The following GRID2 variants were observed in gnomAD, a reference collection of about 807,000 sequenced individuals.
The protein encoded by GRID2 is glutamate ionotropic receptor delta type subunit 2.
A neutral mutation model predicts 114.8 loss-of-function variants in GRID2; 33 were observed. The ratio of observed to expected loss-of-function variants is 0.29; its 90% CI spans 0.22 to 0.38. GRID2 has a LOEUF of 0.38. Ranked by LOEUF, GRID2 falls within the 10% of genes least tolerant of loss-of-function variation. The probability of loss-of-function intolerance (pLI) is 1.00; values close to 1 mark genes in which losing one functional copy is unlikely to be tolerated. For missense variants in GRID2, 1,184 were observed against 1,257.7 expected (o/e 0.94, Z 0.89); for synonymous variants, 505 against 449.9 (o/e 1.12, Z -1.55).
intron 13 of GRID2, among the ~76,000 whole-genome samples, chr4:93,542,914 C>T (rs1380384917): frequency 6.6e-6 from 1 of 152,044 alleles, no homozygotes; most frequent in Non-Finnish European, 1.5e-5. Context: ...GCCATGCTTG[C>T]GTAGATCCTG....
intron 14 of GRID2, among the ~76,000 whole-genome samples, chr4:93,661,203 C>A (rs1346030153): frequency 1.3e-5 from 2 of 152,160 alleles, no homozygotes; most frequent in Non-Finnish European, 2.9e-5. Context: ...CAAATCAGTT[C>A]TTGCATTGTT....
intron 1 of GRID2, among the ~76,000 whole-genome samples, chr4:92,574,420 T>G: frequency 6.6e-6 from 1 of 151,250 alleles, no homozygotes. Flanking sequence ...AGTATTTTTT[T>G]TTTTTTTTTT....
chr4:92,828,574 G>A (rs1578252648), intron 2 of GRID2, among the ~76,000 whole-genome samples: 2 of 151,996 alleles, frequency 1.3e-5, no homozygotes, highest in Admixed American at 1.3e-4. Context: ...TAGCCCTGAA[G>A]AAAATAAATT....
chr4:93,549,877 G>T (rs1418849973), intron 13 of GRID2, among the ~76,000 whole-genome samples: 1 of 152,080 alleles, frequency 6.6e-6, no homozygotes, highest in Non-Finnish European at 1.5e-5. Context: ...CTGAGAACAG[G>T]TTTTTAACTA....
intron 2 of GRID2, among the ~76,000 whole-genome samples, chr4:92,658,828 C>A (rs1210788677): frequency 7.7e-6 from 1 of 130,442 alleles, no homozygotes; most frequent in Non-Finnish European, 1.7e-5. Context: ...TACACACACA[C>A]AATCACATTC....
intron 2 of GRID2, among the ~76,000 whole-genome samples, chr4:92,961,567 T>A (rs1004972935): frequency 2.0e-5 from 3 of 151,572 alleles, no homozygotes; most frequent in Non-Finnish European, 2.9e-5. Context: ...GTGCTTTTTT[T>A]CTTTCTCTCT....
At chr4:93,342,128 T>C (rs1394486509) in intron 8 of GRID2, among the ~76,000 whole-genome samples, 2 of 152,158 alleles carry the variant, frequency 1.3e-5, no homozygotes, top group African/African-American at 2.4e-5. Flanking sequence ...ACTCTACTAC[T>C]AAAAACTCTT....
chr4:92,416,877 G>A (rs1040593150), intron 1 of GRID2, among the ~76,000 whole-genome samples: 5 of 151,938 alleles, frequency 3.3e-5, no homozygotes, highest in African/African-American at 1.2e-4. Flanking sequence ...TCTTGCTTTA[G>A]CTATGCATGG....
chr4:93,428,050 A>G (rs1276926976), intron 10 of GRID2, among the ~76,000 whole-genome samples: 1 of 152,088 alleles, frequency 6.6e-6, no homozygotes, highest in Non-Finnish European at 1.5e-5. Context: ...AATTAAAAAC[A>G]AAGATAACTC....
intron 10 of GRID2, among the ~76,000 whole-genome samples, chr4:93,448,796 CT>C (rs1722344786): frequency 1.4e-4 from 1 of 7,034 alleles, no homozygotes; most frequent in East Asian, 0.01. Context: ...CTCCCCTTCC[CT>C]TCCCTTCCCT....
chr4:92,341,452 G>C (rs572083900), intron 1 of GRID2, among the ~76,000 whole-genome samples: 1 of 152,076 alleles, frequency 6.6e-6, no homozygotes, highest in African/African-American at 2.4e-5. Flanking sequence ...GAAAAATGAT[G>C]CCACTAAAGT....
chr4:93,223,574 G>C (rs184448319), intron 6 of GRID2, among the ~76,000 whole-genome samples: 3 of 152,178 alleles, frequency 2.0e-5, no homozygotes, highest in Non-Finnish European at 4.4e-5. Context: ...ATAGTCTCCT[G>C]TATGTTTTTA....
intron 8 of GRID2, among the ~76,000 whole-genome samples, chr4:93,385,179 G>A (rs1467736880): frequency 1.3e-5 from 2 of 152,190 alleles, no homozygotes; most frequent in African/African-American, 4.8e-5. Context: ...AGCTGGAAAG[G>A]AAGAATCATA....
intron 13 of GRID2, among the ~76,000 whole-genome samples, chr4:93,592,384 T>C (rs537192568): frequency 2.6e-5 from 4 of 152,360 alleles, no homozygotes; most frequent in African/African-American, 9.6e-5. Context: ...AGATTCTTAA[T>C]CCTGAGTTCT....
chr4:92,305,705 G>C (rs563824782), intron 1 of GRID2, among the ~76,000 whole-genome samples: 1 of 152,184 alleles, frequency 6.6e-6, no homozygotes, highest in African/African-American at 2.4e-5. Context: ...AGGGGCGGGC[G>C]GGGGGCTGCG....
At chr4:92,852,715 C>G (rs1743912080) in intron 2 of GRID2, among the ~76,000 whole-genome samples, 1 of 151,814 alleles carries the variant, frequency 6.6e-6, no homozygotes, top group African/African-American at 2.4e-5. Flanking sequence ...CACCATTTTT[C>G]CTGTAGCTCC....
chr4:93,172,748 A>T (rs1399634585), intron 4 of GRID2, among the ~76,000 whole-genome samples: 3 of 152,204 alleles, frequency 2.0e-5, no homozygotes, highest in Non-Finnish European at 2.9e-5. Flanking sequence ...GCATACTGCC[A>T]CTTTAAAGAA....
intron 14 of GRID2, among the ~76,000 whole-genome samples, chr4:93,666,225 AC>A (rs1425750339): frequency 6.6e-6 from 1 of 152,050 alleles, no homozygotes; most frequent in Non-Finnish European, 1.5e-5. Context: ...ATTGTGCTAA[AC>A]ACAATTTTAT....
At chr4:92,813,104 A>G (rs1424792734) in intron 2 of GRID2, among the ~76,000 whole-genome samples, 1 of 152,094 alleles carries the variant, frequency 6.6e-6, no homozygotes, top group Non-Finnish European at 1.5e-5. Flanking sequence ...TATGCCCTGC[A>G]GTTCTTAAAC....
Sources: allele counts gnomAD v4.1 joint callset (sites outside exome capture counted in the v4.1 genomes callset), GRCh38; gene constraint gnomAD v4.1.1; transcripts MANE v1.5; gene names NCBI Gene and HGNC (gene_info 2026-07-23, HGNC 2026-07-21).